Variants in SIK3 observed in about 807,000 individuals in gnomAD.
The protein encoded by SIK3 is serine/threonine-protein kinase SIK3.
In SIK3, 28 loss-of-function variants were observed where a neutral mutation model predicts 144.2. The ratio of observed to expected loss-of-function variants is 0.19; its 90% CI spans 0.14 to 0.27. The LOEUF is 0.27. Among genes scored for constraint, SIK3 ranks in the 10% least tolerant of loss-of-function variants. SIK3 has a pLI of 1.00. For missense variants in SIK3, 1,319 were observed against 1,776.0 expected (o/e 0.74, Z 4.62); for synonymous variants, 686 against 676.3 (o/e 1.01, Z -0.22).
intron 1 of SIK3, among the ~76,000 whole-genome samples, chr11:117,082,498 A>G (rs1044308139): frequency 2.6e-5 from 4 of 152,252 alleles, no homozygotes; most frequent in African/African-American, 7.2e-5. Context: ...CCTTGAAGGC[A>G]TTACACCAAG....
At chr11:117,063,735 A>C (rs985272299) in intron 1 of SIK3, among the ~76,000 whole-genome samples, 1 of 151,594 alleles carries the variant, frequency 6.6e-6, no homozygotes, top group Non-Finnish European at 1.5e-5. Context: ...CGCCTGGCTA[A>C]TTTTTTGTAT....
intron 1 of SIK3, among the ~76,000 whole-genome samples, chr11:117,083,131 G>A (rs1382185620): frequency 1.3e-5 from 2 of 152,118 alleles, no homozygotes; most frequent in African/African-American, 4.8e-5. Context: ...ACTGCTATAC[G>A]AGGTTGTGAC....
chr11:117,025,524 C>A (rs1416330712), intron 1 of SIK3, among the ~76,000 whole-genome samples: 2 of 152,086 alleles, frequency 1.3e-5, no homozygotes, highest in Non-Finnish European at 2.9e-5. Flanking sequence ...CAGCTCACTG[C>A]AACTTCTGCC....
intron 1 of SIK3, among the ~76,000 whole-genome samples, chr11:117,052,031 A>G (rs1953270099): frequency 6.6e-6 from 1 of 151,916 alleles, no homozygotes. Flanking sequence ...AATCCCAGCT[A>G]CTCAGGAGGC....
chr11:116,905,029 A>G (rs562291783), intron 4 of SIK3: 9 of 167,172 alleles, frequency 5.4e-5, no homozygotes, highest in African/African-American at 2.2e-4. Flanking sequence ...CAGTGAAAAA[A>G]CCAAAGAAGA....
In SIK3 at chr11:116,843,691, G is replaced by C. The variant is rs1565343142; in HGVS notation, c.*1952C>G. The C allele has an allele frequency of 6.6e-6, 1 of 152,224 alleles. No individual in the cohort carries two copies. 9.4% of individuals were successfully genotyped at this position (152,224 alleles called of 1,614,324 possible). On this transcript the variant is annotated 3_prime_UTR_variant, in exon 25 of 25. Coordinates refer to ENST00000445177, the MANE Select transcript of SIK3 (RefSeq NM_001366686.3). ...CAGTACCATGTAAACACATCAGGCT[G>C]AGCGCGTGGTGGTGGTAGGGCAGGT...
intron 1 of SIK3, among the ~76,000 whole-genome samples, chr11:117,082,585 A>C (rs1461251471): frequency 6.6e-6 from 1 of 152,224 alleles, no homozygotes; most frequent in East Asian, 1.9e-4. Context: ...GTAAATCGAT[A>C]AAAATTAATT....
chr11:116,938,215 G>A (rs1948027363), intron 3 of SIK3, among the ~76,000 whole-genome samples: 1 of 89,014 alleles, frequency 1.1e-5, no homozygotes, highest in Non-Finnish European at 2.2e-5. Context: ...GAGGGGAGGG[G>A]AGGGGAGGGG....
intron 6 of SIK3, among the ~76,000 whole-genome samples, chr11:116,884,367 T>TTG (rs1944702459): frequency 6.7e-6 from 1 of 150,026 alleles, no homozygotes. Flanking sequence ...TTTTTTTTTT[T>TTG]GATGGAGTCT....
At chr11:116,899,289 C>T (rs1402689517) in intron 4 of SIK3, among the ~76,000 whole-genome samples, 1 of 151,700 alleles carries the variant, frequency 6.6e-6, no homozygotes, top group Non-Finnish European at 1.5e-5. Flanking sequence ...TGTAGATATG[C>T]AGCGTTATTT....
chr11:116,916,030 G>T (rs1313053312), intron 4 of SIK3, among the ~76,000 whole-genome samples: 1 of 152,158 alleles, frequency 6.6e-6, no homozygotes, highest in Non-Finnish European at 1.5e-5. Context: ...AGGGCGGAAA[G>T]ACCTAAGTAA....
At chr11:116,869,989 T>C (rs1943878262) in intron 14 of SIK3, 1 of 704,552 alleles carries the variant, frequency 1.4e-6, no homozygotes, top group Non-Finnish European at 2.1e-6. Context: ...TCCTTTTCAG[T>C]AAACAGTTCT....
At chr11:117,006,638 T>TA (rs199563608) in intron 1 of SIK3, among the ~76,000 whole-genome samples, 148 of 146,368 alleles carry the variant, frequency 1.0e-3, no homozygotes, top group African/African-American at 3.1e-3. Context: ...TCTCTGTGTT[T>TA]AAAAAAAAAA....
At chr11:116,909,222 A>T (rs1946209198) in intron 4 of SIK3, among the ~76,000 whole-genome samples, 1 of 152,210 alleles carries the variant, frequency 6.6e-6, no homozygotes, top group Non-Finnish European at 1.5e-5. Flanking sequence ...ATATTGTTTA[A>T]GGATGGACCC....
intron 1 of SIK3, among the ~76,000 whole-genome samples, chr11:116,961,575 G>C (rs1949349996): frequency 6.6e-6 from 1 of 152,132 alleles, no homozygotes; most frequent in South Asian, 2.1e-4. Context: ...AACTCTCAAA[G>C]AATGTTATTA....
chr11:116,844,246 G>A lies in SIK3; in HGVS notation c.*1397C>T, dbSNP rs937732278. On this transcript the variant is annotated 3_prime_UTR_variant, in exon 25 of 25. Coordinates refer to ENST00000445177, the MANE Select transcript of SIK3 (RefSeq NM_001366686.3). The stretch of plus-strand genomic sequence containing the variant: ...GTATGCACTGCTTCAACTGGGGAAA[G>A]GAGACCACTGCATCTGTCACTGGCA... 6.6e-6 allele frequency: 1 copy of A among 152,106 alleles called. No homozygotes were observed. The highest frequency in any genetic ancestry group is 1.5e-5 in the Non-Finnish European group (1 of 68,028). The allele number at this position is 152,106 out of a possible 1,614,324, so 9.4% of individuals were successfully genotyped here. A position where few individuals can be genotyped will look rare whatever the true frequency, so the allele number is the denominator to read the frequency against.
intron 6 of SIK3, among the ~76,000 whole-genome samples, chr11:116,890,647 A>C (rs748648474): frequency 1.3e-5 from 2 of 152,224 alleles, no homozygotes; most frequent in Non-Finnish European, 2.9e-5. Flanking sequence ...CGATAAGAGA[A>C]AGTTTAGAGA....
chr11:116,862,042 G>T, intron 17 of SIK3, 116 bp from the exon 18 acceptor site: 1 of 1,271,566 alleles, frequency 7.9e-7, no homozygotes, highest in Non-Finnish European at 1.1e-6. Flanking sequence ...TTATGCTTTT[G>T]TTGTTCACCA....
At chr11:116,865,822 G>A (rs1315964218) in intron 15 of SIK3, among the ~76,000 whole-genome samples, 1 of 152,084 alleles carries the variant, frequency 6.6e-6, no homozygotes, top group East Asian at 1.9e-4. Flanking sequence ...GCCTTGGAAA[G>A]TTTCTCATTT....
Sources: allele counts gnomAD v4.1 joint callset (sites outside exome capture counted in the v4.1 genomes callset), GRCh38; gene constraint gnomAD v4.1.1; transcripts MANE v1.5; gene names NCBI Gene and HGNC (gene_info 2026-07-23, HGNC 2026-07-21).